TTN: variants seen among roughly 807,000 people sequenced by gnomAD.
TTN encodes connectin.
Under a neutral mutation model 3,223.0 loss-of-function variants are expected in TTN, and 1,525 were observed. The ratio of observed to expected loss-of-function variants is 0.47; its 90% confidence interval spans 0.45 to 0.49. TTN has a LOEUF of 0.49. TTN is among the 20% of genes least tolerant of loss of function. The pLI, the probability that TTN is intolerant of heterozygous loss-of-function variation, is 0.00. For missense variants in TTN, 40,786 were observed against 43,424.0 expected (o/e 0.94, Z 5.40); for synonymous variants, 14,094 against 15,161.0 (o/e 0.93, Z 5.17).
chr2:178,783,865 T>A, intron 16 of TTN, 80 bp from the exon 17 acceptor site: 1 of 1,033,316 alleles, frequency 9.7e-7, no homozygotes, highest in Non-Finnish European at 1.3e-6. Flanking sequence ...TGCAACATTA[T>A]ATAATTATAA....
At chr2:178,768,347 C>T (rs940668200) in intron 38 of TTN, among the ~76,000 whole-genome samples, 192 bp from the exon 39 acceptor site, 1 of 152,166 alleles carries the variant, frequency 6.6e-6, no homozygotes, top group Non-Finnish European at 1.5e-5. Flanking sequence ...TTAGCCATCA[C>T]CCCAAGGACT....
In TTN at chr2:178,537,353, A is replaced by T; in HGVS notation, c.99854T>A (p.Val33285Glu). 1 of 1,550,808 alleles carries T rather than the reference A, an allele frequency of 6.4e-7. No homozygotes were observed. Among genetic ancestry groups the T allele is most frequent in the Non-Finnish European group, 8.7e-7 (1 of 1,151,396 alleles). The change falls in exon 355 of 363, where the codon GTG (valine) becomes GAG (glutamate). Residue 33285 changes from valine to glutamate, a missense_variant. Physicochemically the swap from Val to Glu is moderately radical, Grantham distance 121 (BLOSUM62 -2). Transcript: ENST00000589042. ...VFGTVDAILDVEIQDKPDKPT... is the reference protein window; with the variant it reads ...VFGTVDAILDEEIQDKPDKPT... ...TAAAAATAAAATACCTTGTATTTCCACATCAAGGATGGCATCAACTGTTCC... is the reference window on the plus strand; with the variant it reads ...TAAAAATAAAATACCTTGTATTTCCTCATCAAGGATGGCATCAACTGTTCC...
Position 178,701,183 on chromosome 2 carries a change from G to A in TTN, c.30619C>T (p.Pro10207Ser). 6.2e-7 allele frequency: 1 copy of A among 1,613,226 alleles called. No individual in the cohort carries two copies. Among genetic ancestry groups the A allele is most frequent in the Non-Finnish European group, 8.5e-7 (1 of 1,179,588 alleles). Residue 10207 changes from proline (P) to serine (S), a missense_variant, in exon 111 of 363, where the codon CCT (proline) becomes TCT (serine). By Grantham distance (74) the Pro-to-Ser change is moderately conservative. Transcript: ENST00000589042. The stretch of plus-strand genomic sequence containing the variant: ...GTTGGTAGCAAAAGGGGGATAGGAG[G>A]AGCAACCACAGGAGGGATTTCTGAA... ...PPEEIPPVVA[P>S]PIPLLLPTPE... is the part of the protein sequence containing the mutation.
chr2:178,675,174 C>T (rs2067779596), intron 149 of TTN, 61 bp from the exon 150 acceptor site: 2 of 1,162,406 alleles, frequency 1.7e-6, no homozygotes, highest in Non-Finnish European at 2.4e-6. Context: ...GAATAAAGAC[C>T]ACGTTTCCAG....
chr2:178,745,486 G>A (rs2083317300), intron 47 of TTN: 2 of 1,544,162 alleles, frequency 1.3e-6, no homozygotes, highest in Non-Finnish European at 1.7e-6. Flanking sequence ...TTCAAATATG[G>A]TGGACCTGTT....
At position 178,562,805 on chromosome 2, in the gene TTN, C is replaced by T. The variant is rs2154160964; in HGVS notation, c.83327G>A (p.Arg27776Lys). 6.2e-7 allele frequency: 1 copy of T among 1,613,246 alleles called. No homozygotes were observed. Among genetic ancestry groups the T allele is most frequent in the Non-Finnish European group, 8.5e-7 (1 of 1,179,588 alleles). Residue 27776 changes from arginine (R) to lysine (K), a missense_variant, in exon 326 of 363, where the codon AGA (arginine) becomes AAA (lysine). Arg to Lys is a conservative substitution (Grantham distance 26). Coordinates refer to ENST00000589042, the MANE Select transcript of TTN (RefSeq NM_001267550.2). ...SPSAPVNLTI[R>K]EVKKDSVTLS... ...CGTCACTGAGTCTTTCTTCACTTCT[C>T]TTATGGTCAAATTCACAGGGGCACT... is the stretch of plus-strand genomic sequence containing the variant.
Position 178,664,895 on chromosome 2 carries a change from G to C in TTN, c.36075C>G (p.Ala12025=), listed in dbSNP as rs1461168322. ...TPEAPQEIIP[A]KTVPSKKREP... is the part of the protein sequence containing the mutation. ...CTCTTTTTTTGGAAGGAACTGTCTT[G>C]GCAGGAATAATTTCTTGAGGAGCTT... is the stretch of plus-strand genomic sequence containing the variant. The change falls in exon 166 of 363, where the codon GCC becomes GCG. Residue 12025 remains alanine, a synonymous_variant. Coordinates refer to ENST00000589042, the MANE Select transcript of TTN (RefSeq NM_001267550.2). 2 of 1,610,638 alleles carry C rather than the reference G, an allele frequency of 1.2e-6. No individual in the cohort carries two copies. Among genetic ancestry groups the C allele is most frequent in the South Asian group, 2.2e-5 (2 of 90,646 alleles).
rs59148238 is a variant in TTN, at chr2:178,545,528, T to C, written c.95582A>G (p.Tyr31861Cys). The change falls in exon 344 of 363, where the codon TAT becomes TGT. Residue 31861 changes from tyrosine (Y) to cysteine (C), a missense_variant. By Grantham distance (194) the Tyr-to-Cys change is radical (BLOSUM62 -2). Transcript: ENST00000589042. ...SLRWTRVNKDYVVYDTRLKVT... is the reference protein window; with the variant it reads ...SLRWTRVNKDCVVYDTRLKVT... ...CTTCAGCCTGGTATCATACACCACA[T>C]AGTCTTTGTTGACACGTGTCCAGCG... The C allele has an allele frequency of 1.9e-4, 303 of 1,613,694 alleles. No homozygotes were observed. In the African/African-American group the frequency reaches 3.6e-3, roughly 19 times the overall value.
intron 15 of TTN, 108 bp downstream of exon 15, chr2:178,785,512 A>G: frequency 6.6e-7 from 1 of 1,520,578 alleles, no homozygotes; most frequent in Admixed American, 1.8e-5. Flanking sequence ...GCACACACAC[A>G]TCACCAAAAA....
chr2:178,706,837 T>C, intron 101 of TTN, 25 bp downstream of exon 101: 1 of 1,610,506 alleles, frequency 6.2e-7, no homozygotes, highest in Non-Finnish European at 8.5e-7. Context: ...TAGATGAAGA[T>C]GTACTTCTCA....
At position 178,784,100 on chromosome 2, in the gene TTN, G is replaced by C. The variant is rs773568773; in HGVS notation, c.2745C>G (p.Arg915=). ...CTTCGCGTCCGTGCAGTACTTCAAA[G>C]CGCTCTTCACGGACGGTGGTGCCAG... ...SITGTTVREE[R]FEVLHGREAK... is the part of the protein sequence containing the mutation. The change falls in exon 16 of 363, where the codon CGC becomes CGG. Residue 915 remains arginine (R), a synonymous_variant. Coordinates refer to ENST00000589042, the MANE Select transcript of TTN (RefSeq NM_001267550.2). 6.2e-7 allele frequency: 1 copy of C among 1,613,700 alleles called. No individual in the cohort carries two copies. The highest frequency in any genetic ancestry group is 8.5e-7 in the Non-Finnish European group (1 of 1,179,992).
intron 62 of TTN, 27 bp downstream of exon 62, chr2:178,730,065 AG>A: frequency 6.2e-7 from 1 of 1,600,382 alleles, no homozygotes; most frequent in South Asian, 1.1e-5. Flanking sequence ...TAGACAAGCA[AG>A]AAAGTGAGGA....
In TTN at chr2:178,575,384, G is replaced by T. The variant is rs397517687; in HGVS notation, c.70748C>A (p.Thr23583Lys). Residue 23583 changes from threonine to lysine, a missense_variant, in exon 326 of 363, where the codon ACA becomes AAA. Thr to Lys is a moderately conservative substitution (Grantham distance 78). Coordinates refer to ENST00000589042, the MANE Select transcript of TTN (RefSeq NM_001267550.2). This position sits in a 1 kb window ranked among gnomAD's most constrained non-coding sequence, Gnocchi z 4.0. ...RKGSDQWTHI[T>K]TVKGLECVVR... ...AACACATTCTAACCCTTTCACGGTT[G>T]TGATGTGGGTCCACTGGTCAGAGCC... The T allele has an allele frequency of 2.5e-5, 40 of 1,613,516 alleles. No individual in the cohort carries two copies. The highest frequency in any genetic ancestry group is 3.3e-4 in the Middle Eastern group (2 of 6,080).
intron 138 of TTN, 82 bp from the exon 139 acceptor site, chr2:178,680,413 A>G (rs1434202487): frequency 1.8e-5 from 21 of 1,136,582 alleles, no homozygotes; most frequent in Non-Finnish European, 2.5e-5. Flanking sequence ...CTTTAAGCAG[A>G]TAGAATAATG....
At chr2:178,794,023 A>C (rs1460204689) in intron 8 of TTN, among the ~76,000 whole-genome samples, 1 of 152,188 alleles carries the variant, frequency 6.6e-6, no homozygotes, top group Non-Finnish European at 1.5e-5. Context: ...AACTTAGAGA[A>C]ATGTAATGCC....
At chr2:178,683,958 G>A in intron 133 of TTN, 41 bp downstream of exon 133, 1 of 1,422,602 alleles carries the variant, frequency 7.0e-7, no homozygotes, top group East Asian at 2.3e-5. Flanking sequence ...GTGTCTGGAT[G>A]CTTATTTTGA....
chr2:178,635,821 T>C (rs920553103), intron 226 of TTN, 106 bp from the exon 227 acceptor site: 5 of 1,512,168 alleles, frequency 3.3e-6, no homozygotes, highest in Non-Finnish European at 2.7e-6. Flanking sequence ...ATACTGGGCA[T>C]AATTAATCCA....
intron 162 of TTN, 44 bp downstream of exon 162, chr2:178,667,192 C>T (rs956100567): frequency 6.8e-7 from 1 of 1,465,458 alleles, no homozygotes; most frequent in Non-Finnish European, 9.3e-7. Flanking sequence ...AGACTGAAGA[C>T]AGTATATTTT....
rs397517712 is a variant in TTN at position 178,568,316 on chromosome 2, T to G, written c.77816A>C (p.Asp25939Ala). The stretch of plus-strand genomic sequence containing the variant: ...TCTAGCAACAGTAGCAGAAACAACA[T>G]CCCATACTGTGGTGGTTGTATCTCT... ...QKRDTTTTVW[D>A]VVSATVARTT... The change falls in exon 326 of 363, where the codon GAT (aspartate) becomes GCT (alanine). Residue 25939 changes from aspartate to alanine, a missense_variant. Asp to Ala is a moderately radical substitution (Grantham distance 126, BLOSUM62 -2). Transcript: ENST00000589042. 4.7e-5 allele frequency: 76 copies of G among 1,613,330 alleles called. No individual in the cohort carries two copies. Among genetic ancestry groups the G allele is most frequent in the Non-Finnish European group, 6.2e-5 (73 of 1,179,634 alleles).
Sources: allele counts gnomAD v4.1 joint callset (sites outside exome capture counted in the v4.1 genomes callset), GRCh38; gene constraint gnomAD v4.1.1; non-coding constraint Gnocchi (gnomAD v3.1); transcripts MANE v1.5; gene names NCBI Gene and HGNC (gene_info 2026-07-23, HGNC 2026-07-21).